The following WDR72 variants were observed in gnomAD, a reference collection of about 807,000 sequenced individuals.
WDR72 encodes WD repeat domain 72, also known as WD repeat-containing protein 72.
WDR72 carries 120 observed loss-of-function variants against 124.2 expected under a neutral mutation model. The observed-to-expected ratio is 0.97, with a 90% CI of 0.83 to 1.12. WDR72 has a LOEUF of 1.12. Among genes scored for constraint, WDR72 ranks in the 50% most tolerant of loss-of-function variants. WDR72 has a pLI of 0.00. For missense variants in WDR72, 1,387 were observed against 1,278.8 expected (o/e 1.08, Z -1.29); for synonymous variants, 452 against 441.7 (o/e 1.02, Z -0.29).
chr15:53,555,212 T>TA (rs67413847), intron 18 of WDR72, among the ~76,000 whole-genome samples: 46,628 of 148,376 alleles, frequency 0.31, 7,327 homozygotes, highest in East Asian at 0.46. Context: ...CCATTTAAGA[T>TA]AAAAAAAAAA....
At chr15:53,634,016 T>C (rs1015893476) in intron 14 of WDR72, among the ~76,000 whole-genome samples, 9 of 152,214 alleles carry the variant, frequency 5.9e-5, no homozygotes, top group African/African-American at 1.7e-4. Context: ...TTCATTCTTA[T>C]CCATACTGCA....
Position 53,597,202 on chromosome 15 carries a change from C to G in WDR72, c.3025G>C (p.Val1009Leu). The G allele has an allele frequency of 6.2e-7, 1 of 1,613,846 alleles. No homozygotes were observed. The highest frequency in any genetic ancestry group is 8.5e-7 in the Non-Finnish European group (1 of 1,179,864). Residue 1009 changes from valine (V) to leucine (L), a missense_variant, in exon 18 of 20, where the codon GTC becomes CTC. Val to Leu is a conservative substitution (Grantham distance 32). Transcript: ENST00000360509. ...QHMKSLGKIP[V>L]NSQPVSMAEN... Reference sequence around the variant, plus strand: ...GCCATGGACACTGGTTGACTATTGACGGGTATCTTTCCCAAACTCTTCATG... The same window carrying G: ...GCCATGGACACTGGTTGACTATTGAGGGGTATCTTTCCCAAACTCTTCATG...
At chr15:53,693,227 T>C (rs2016898124) in intron 13 of WDR72, among the ~76,000 whole-genome samples, 2 of 152,208 alleles carry the variant, frequency 1.3e-5, no homozygotes, top group African/African-American at 4.8e-5. Context: ...TGTATGGGAA[T>C]AGTAGATGTT....
intron 16 of WDR72, among the ~76,000 whole-genome samples, chr15:53,610,468 A>C (rs1254605253): frequency 6.6e-6 from 1 of 152,024 alleles, no homozygotes; most frequent in Non-Finnish European, 1.5e-5. Context: ...GTCTACTTAA[A>C]TTAATATATT....
rs1378635549 is a variant in WDR72 at position 53,655,406 on chromosome 15, CTCTTAGATTTGGGGAGATG to C, written c.1962+10147_1962+10165del. Among the ~76,000 whole-genome samples, 5 of 152,118 alleles carry C rather than the reference CTCTTAGATTTGGGGAGATG, an allele frequency of 3.3e-5. 1 individual carries two copies. In the East Asian group the frequency reaches 9.7e-4, roughly 29 times the overall value. ...TGTGAAAGTTCAAGATTCAGGTATC[CTCTTAGATTTGGGGAGATG>C]TCAACTGTCAAATAATTTTCTCATT... On this transcript the variant is annotated intron_variant, in intron 14 of 19. Coordinates refer to ENST00000360509, the MANE Select transcript of WDR72 (RefSeq NM_182758.4).
intron 19 of WDR72, among the ~76,000 whole-genome samples, chr15:53,522,372 GAGGGTACAC>G (rs1891851782): frequency 6.6e-6 from 1 of 152,000 alleles, no homozygotes; most frequent in Admixed American, 6.6e-5. Context: ...TGAGAGGGTA[GAGGGTACAC>G]AGGAGCCAGA....
chr15:53,664,336 TTTAG>T (rs2015706944), intron 14 of WDR72, among the ~76,000 whole-genome samples: 1 of 152,192 alleles, frequency 6.6e-6, no homozygotes, highest in African/African-American at 2.4e-5. Flanking sequence ...TTTTTAGGTA[TTTAG>T]TTAGTGTGAC....
chr15:53,651,908 C>T (rs1011051869), intron 14 of WDR72: 7 of 152,232 alleles, frequency 4.6e-5, no homozygotes, highest in Non-Finnish European at 1.0e-4. Flanking sequence ...CCACCTCTGC[C>T]TCCCAAAATG....
intron 14 of WDR72, among the ~76,000 whole-genome samples, chr15:53,647,031 C>A (rs185279060): frequency 6.6e-6 from 1 of 152,184 alleles, no homozygotes; most frequent in East Asian, 1.9e-4. Context: ...AGTCCTATGG[C>A]AGAGACTCCA....
At chr15:53,597,467 T>C (rs546313114) in intron 17 of WDR72, among the ~76,000 whole-genome samples, 193 bp from the exon 18 acceptor site, 1 of 141,544 alleles carries the variant, frequency 7.1e-6, no homozygotes, top group East Asian at 1.9e-4. Context: ...TTTCACACTG[T>C]TTTTTTGCAA....
chr15:53,694,206 T>C (rs2016931731), intron 13 of WDR72, among the ~76,000 whole-genome samples: 1 of 152,194 alleles, frequency 6.6e-6, no homozygotes, highest in African/African-American at 2.4e-5. Flanking sequence ...CTTTCCATGG[T>C]CTGTGCAGAG....
intron 18 of WDR72, among the ~76,000 whole-genome samples, chr15:53,538,107 TG>T (rs1372215977): frequency 6.6e-6 from 1 of 152,166 alleles, no homozygotes; most frequent in Non-Finnish European, 1.5e-5. Context: ...AATTTTTTGC[TG>T]ATAAATTAAA....
Position 53,570,244 on chromosome 15 carries a change from T to C in WDR72, c.3148+26835A>G, listed in dbSNP as rs527354859. Reference sequence around the variant, plus strand: ...TGGCTAGATTGAGCTAAATAACATATGTATTACCTCATATACCATTTTTTT... The same window carrying C: ...TGGCTAGATTGAGCTAAATAACATACGTATTACCTCATATACCATTTTTTT... On this transcript the variant is annotated intron_variant, in intron 18 of 19. Transcript: ENST00000360509. 4.8e-5 allele frequency among the ~76,000 whole-genome samples: 7 copies of C among 144,350 alleles called. No homozygotes were observed. In the East Asian group the frequency reaches 8.1e-4, roughly 17 times the overall value. The allele number at this position is 144,350 out of a possible 152,430, so 94.7% of individuals were successfully genotyped here.
At chr15:53,598,101 T>C (rs2012862966) in intron 17 of WDR72, among the ~76,000 whole-genome samples, 1 of 152,040 alleles carries the variant, frequency 6.6e-6, no homozygotes, top group African/African-American at 2.4e-5. Context: ...AGCAGTTAGG[T>C]ACAGCCCAAG....
In WDR72 at chr15:53,753,232, CA is replaced by C. The variant is rs571090256; in HGVS notation, c.-13+6400del. Among the ~76,000 whole-genome samples the C allele has an allele frequency of 2.3e-3, 355 of 152,328 alleles. 5 individuals are homozygous for C. Among genetic ancestry groups the C allele is most frequent in the African/African-American group, 8.1e-3 (338 of 41,560 alleles). On this transcript the variant is annotated intron_variant, in intron 1 of 19. Coordinates refer to ENST00000360509, the MANE Select transcript of WDR72 (RefSeq NM_182758.4). Reference sequence around the variant, plus strand: ...GGAAGTCAGTCCACTGTAATTATAACAATCCATTTTTCCTCCTAGAATAAGC... The same window carrying C: ...GGAAGTCAGTCCACTGTAATTATAACATCCATTTTTCCTCCTAGAATAAGC...
At chr15:53,719,423 T>TA in intron 3 of WDR72, among the ~76,000 whole-genome samples, 1 of 152,292 alleles carries the variant, frequency 6.6e-6, no homozygotes, top group South Asian at 2.1e-4. Flanking sequence ...CAGGTACTGT[T>TA]ATTATGCTAT....
At chr15:53,674,524 G>A (rs2016098717) in intron 13 of WDR72, among the ~76,000 whole-genome samples, 1 of 152,142 alleles carries the variant, frequency 6.6e-6, no homozygotes, top group African/African-American at 2.4e-5. Context: ...AGGGGCCCTG[G>A]AGGTATCAAA....
chr15:53,692,671 A>G (rs1265081045), intron 13 of WDR72, among the ~76,000 whole-genome samples: 1 of 152,176 alleles, frequency 6.6e-6, no homozygotes, highest in African/African-American at 2.4e-5. Context: ...AAGTTCATAT[A>G]CAACAGCATG....
At chr15:53,537,214 G>A (rs1418065083) in intron 18 of WDR72, among the ~76,000 whole-genome samples, 1 of 152,120 alleles carries the variant, frequency 6.6e-6, no homozygotes, top group Non-Finnish European at 1.5e-5. Context: ...TGGATATTTG[G>A]CAAGGATTGT....
Sources: allele counts gnomAD v4.1 joint callset (sites outside exome capture counted in the v4.1 genomes callset), GRCh38; gene constraint gnomAD v4.1.1; transcripts MANE v1.5; gene names NCBI Gene and HGNC (gene_info 2026-07-23, HGNC 2026-07-21).